The following CSMD1 variants were observed in gnomAD, a reference collection of about 807,000 sequenced individuals.
CSMD1 encodes the protein CUB and sushi domain-containing protein 1.
Under a neutral mutation model 417.5 loss-of-function variants are expected in CSMD1, and 213 were observed. The observed-to-expected ratio is 0.51, with a 90% CI of 0.46 to 0.57. The LOEUF is 0.57. Among genes scored for constraint, CSMD1 ranks in the 20% least tolerant of loss-of-function variants. The pLI is 0.00. For synonymous variants in CSMD1, 2,862 were observed against 1,736.8 expected, an observed-to-expected ratio of 1.65 and a Z score of -16.11; for missense variants, 6,923 against 4,529.7, an observed-to-expected ratio of 1.53 and a Z score of -15.17.
intron 12 of CSMD1, among the ~76,000 whole-genome samples, chr8:3,466,577 ATTTTTT>A (rs35761429): frequency 8.8e-6 from 1 of 113,600 alleles, no homozygotes; most frequent in African/African-American, 3.8e-5. Context: ...CAATCAGCTA[ATTTTTT>A]TTTTTTTTTT....
chr8:3,345,347 C>T (rs540304000), intron 22 of CSMD1, among the ~76,000 whole-genome samples: 15 of 152,218 alleles, frequency 9.9e-5, no homozygotes, highest in East Asian at 3.9e-4. Flanking sequence ...AACAATTCTG[C>T]GTTCTTTATC....
intron 3 of CSMD1, among the ~76,000 whole-genome samples, chr8:4,276,188 A>G (rs1045607641): frequency 6.6e-6 from 1 of 152,210 alleles, no homozygotes; most frequent in African/African-American, 2.4e-5. Flanking sequence ...TTATTGCAGC[A>G]CTGTTCACAA....
intron 3 of CSMD1, among the ~76,000 whole-genome samples, chr8:4,243,964 G>C (rs578118493): frequency 2.0e-5 from 3 of 152,192 alleles, no homozygotes; most frequent in Non-Finnish European, 4.4e-5. Context: ...AGTAGCAGGT[G>C]GGAACGGGTT....
In CSMD1 at chr8:3,406,899, G is replaced by C. The variant is rs576918558; in HGVS notation, c.2072-678C>G. Among the ~76,000 whole-genome samples the C allele has an allele frequency of 2.6e-4, 40 of 152,244 alleles. No individual in the cohort carries two copies. The Middle Eastern group carries it at 0.014, about 52-fold the overall frequency. On this transcript the variant is annotated intron_variant, in intron 14 of 69. Transcript: ENST00000635120. ...ATTAAACTTCACTAATTACATACTA[G>C]TGCTGTATTTTAATCCTTGGCTCCT...
At chr8:3,234,016 A>G (rs973041987) in intron 26 of CSMD1, among the ~76,000 whole-genome samples, 1 of 152,156 alleles carries the variant, frequency 6.6e-6, no homozygotes, top group Non-Finnish European at 1.5e-5. Flanking sequence ...CCACTCTGTG[A>G]GTAGAACACC....
At chr8:3,534,608 G>C (rs1190817968) in intron 10 of CSMD1, among the ~76,000 whole-genome samples, 1 of 151,954 alleles carries the variant, frequency 6.6e-6, no homozygotes, top group Non-Finnish European at 1.5e-5. Flanking sequence ...TTTCCTAAGG[G>C]CTTTTCTGCT....
At chr8:3,307,569 G>T in intron 25 of CSMD1, 126 bp downstream of exon 25, 1 of 1,148,092 alleles carries the variant, frequency 8.7e-7, no homozygotes, top group Non-Finnish European at 1.2e-6. Context: ...TTTAGCTACA[G>T]CTTTACCTTT....
intron 10 of CSMD1, among the ~76,000 whole-genome samples, chr8:3,542,979 C>T (rs958688976): frequency 6.6e-6 from 1 of 152,164 alleles, no homozygotes; most frequent in Non-Finnish European, 1.5e-5. Flanking sequence ...TCCTCTTCCT[C>T]CCTGCTGCCC....
chr8:3,460,661 G>A (rs6980637), intron 12 of CSMD1, among the ~76,000 whole-genome samples: 2,418 of 152,264 alleles, frequency 0.016, 77 homozygotes, highest in African/African-American at 0.055. Flanking sequence ...GGAACTGACC[G>A]AAATTCGTGG....
intron 1 of CSMD1, among the ~76,000 whole-genome samples, chr8:4,955,452 CTCTCT>C (rs1809033582): frequency 1.4e-5 from 2 of 139,590 alleles, no homozygotes; most frequent in Non-Finnish European, 3.0e-5. Flanking sequence ...CAACTCTCAC[CTCTCT>C]TTTTTTTTTT....
rs948358488 is a variant in CSMD1, at chr8:3,029,299, G to T, written c.7855+20C>A. On this transcript the variant is annotated intron_variant, in intron 51 of 69. Transcript: ENST00000635120. ...ATCTAGGATGCCGTGACTTTCAGGG[G>T]TGCCTCCCTCATCACTTACCTCGAC... 3.2e-6 allele frequency: 5 copies of T among 1,557,426 alleles called. No homozygotes were observed. The Admixed American group carries it at 5.4e-5, about 17-fold the overall frequency.
chr8:3,328,972 A>T (rs760621419), intron 23 of CSMD1, among the ~76,000 whole-genome samples: 3 of 152,182 alleles, frequency 2.0e-5, no homozygotes, highest in East Asian at 3.9e-4. Context: ...GAATTCCATT[A>T]TCATGTACCA....
intron 37 of CSMD1, among the ~76,000 whole-genome samples, chr8:3,176,088 G>C (rs187282331): frequency 9.9e-4 from 150 of 152,190 alleles, no homozygotes; most frequent in Non-Finnish European, 1.6e-3. Flanking sequence ...AGCTAAATTA[G>C]AAATAACTTG....
chr8:3,343,992 A>G (rs1193189610), intron 22 of CSMD1, among the ~76,000 whole-genome samples: 1 of 152,176 alleles, frequency 6.6e-6, no homozygotes, highest in Non-Finnish European at 1.5e-5. Flanking sequence ...GAAATAACAG[A>G]AGTATCTCAT....
intron 3 of CSMD1, among the ~76,000 whole-genome samples, chr8:4,135,337 A>AAG (rs1554464780): frequency 0.17 from 5,866 of 33,590 alleles, 331 homozygotes; most frequent in Non-Finnish European, 0.23. Flanking sequence ...GGAAGGGGAA[A>AAG]GAAGGAAGGA....
At chr8:3,329,838 G>A (rs976670839) in intron 23 of CSMD1, among the ~76,000 whole-genome samples, 9 of 152,154 alleles carry the variant, frequency 5.9e-5, no homozygotes, top group East Asian at 3.9e-4. Flanking sequence ...ACTTGCTAGG[G>A]GCACAGGGCA....
chr8:4,212,535 T>G (rs971636663), intron 3 of CSMD1, among the ~76,000 whole-genome samples: 2 of 151,990 alleles, frequency 1.3e-5, no homozygotes, highest in Non-Finnish European at 2.9e-5. Flanking sequence ...AATTTTGAAA[T>G]TTGTAGCCTT....
chr8:3,739,784 G>C (rs545897380), intron 6 of CSMD1, among the ~76,000 whole-genome samples: 33 of 26,220 alleles, frequency 1.3e-3, no homozygotes, highest in African/African-American at 1.9e-3. Flanking sequence ...GAGATCAATG[G>C]AAAAAGGTAA....
chr8:3,123,242 A>C (rs1430191198), intron 41 of CSMD1, among the ~76,000 whole-genome samples: 15 of 152,154 alleles, frequency 9.9e-5, no homozygotes, highest in Admixed American at 9.8e-4. Flanking sequence ...TCCCTGGGCC[A>C]ACCTGTCAAA....
Sources: gnomAD v4.1 joint callset for allele counts (sites outside exome capture counted in the v4.1 genomes callset) on GRCh38, gnomAD v4.1.1 for gene constraint, MANE v1.5 for transcripts, NCBI Gene and HGNC (gene_info 2026-07-23, HGNC 2026-07-21) for gene names.